PACRG: variants seen among roughly 807,000 people sequenced by gnomAD.
PACRG encodes parkin coregulated.
PACRG carries 29 observed loss-of-function variants against 29.7 expected under a neutral mutation model. The ratio of observed to expected loss-of-function variants is 0.98; its 90% CI spans 0.73 to 1.33. The LOEUF (loss-of-function observed/expected upper bound fraction) is 1.33. PACRG is among the 40% of genes most tolerant of loss of function. The probability of loss-of-function intolerance (pLI) is 0.00; values close to 1 mark genes in which losing one functional copy is unlikely to be tolerated. For synonymous variants in PACRG, 116 were observed against 118.7 expected, an observed-to-expected ratio of 0.98 and a Z score of 0.15; for missense variants, 279 against 316.2, an observed-to-expected ratio of 0.88 and a Z score of 0.89.
intron 2 of PACRG, among the ~76,000 whole-genome samples, chr6:162,948,381 A>C (rs538912453): frequency 2.6e-5 from 4 of 152,254 alleles, no homozygotes; most frequent in South Asian, 4.1e-4. Flanking sequence ...CACCATATAT[A>C]AAAACCAATC....
chr6:163,173,282 T>C (rs1174008129), intron 4 of PACRG, among the ~76,000 whole-genome samples: 1 of 152,210 alleles, frequency 6.6e-6, no homozygotes, highest in Non-Finnish European at 1.5e-5. Context: ...GTCTAGATTA[T>C]CTCTAAATTT....
intron 1 of PACRG, among the ~76,000 whole-genome samples, chr6:162,738,663 T>C (rs765906885): frequency 2.6e-5 from 4 of 152,190 alleles, no homozygotes; most frequent in Non-Finnish European, 5.9e-5. Context: ...CAATATTTCA[T>C]TTTTAAAGGT....
intron 4 of PACRG, among the ~76,000 whole-genome samples, chr6:163,178,751 C>T (rs1779508266): frequency 6.6e-6 from 1 of 152,178 alleles, no homozygotes. Flanking sequence ...GCTGCCATCA[C>T]ATCCAGCACC....
chr6:162,801,391 A>G (rs6937110), intron 1 of PACRG, among the ~76,000 whole-genome samples: 49,545 of 151,656 alleles, frequency 0.33, 9,032 homozygotes, highest in African/African-American at 0.47. Flanking sequence ...TTATAGGCGT[A>G]AGCCACCATG....
intron 1 of PACRG, among the ~76,000 whole-genome samples, chr6:162,806,207 C>G (rs11752447): frequency 1.3e-5 from 2 of 151,680 alleles, no homozygotes; most frequent in South Asian, 4.2e-4. Flanking sequence ...CTCCCGGGTT[C>G]AAGCGATTCT....
At chr6:162,932,346 T>G (rs1584789017) in intron 2 of PACRG, among the ~76,000 whole-genome samples, 1 of 152,202 alleles carries the variant, frequency 6.6e-6, no homozygotes, top group Non-Finnish European at 1.5e-5. Context: ...GGTGTACACA[T>G]CTGTCAAAAC....
At position 163,058,589 on chromosome 6, in the gene PACRG, C is replaced by T. The variant is rs1322072346; in HGVS notation, c.292-3561C>T. On this transcript the variant is annotated intron_variant, in intron 2 of 4. Coordinates refer to ENST00000366888, the MANE Select transcript of PACRG (RefSeq NM_001080379.2). ...GGTGATCTCTAATAAAAAAAAAAAT[C>T]TCTACTTAAAAAAATACGAAATTAA... Among the ~76,000 whole-genome samples, 8 of 151,838 alleles carry T rather than the reference C, an allele frequency of 5.3e-5. No homozygotes were observed. In the South Asian group the frequency reaches 1.5e-3, roughly 28 times the overall value.
intron 2 of PACRG, among the ~76,000 whole-genome samples, chr6:162,939,136 A>C (rs978487313): frequency 1.3e-5 from 2 of 152,222 alleles, no homozygotes; most frequent in Non-Finnish European, 2.9e-5. Flanking sequence ...ATCTTCAAAA[A>C]AGCAAACAAA....
At chr6:163,135,245 G>A (rs957842281) in intron 4 of PACRG, among the ~76,000 whole-genome samples, 2 of 150,976 alleles carry the variant, frequency 1.3e-5, no homozygotes, top group Non-Finnish European at 2.9e-5. Context: ...CTGGAGTACA[G>A]TGGCACAATC....
At chr6:162,766,314 G>C (rs1327692203) in intron 1 of PACRG, among the ~76,000 whole-genome samples, 2 of 151,972 alleles carry the variant, frequency 1.3e-5, no homozygotes, top group Non-Finnish European at 2.9e-5. Flanking sequence ...TATGGTATTT[G>C]TTTCTCTGTG....
chr6:163,216,046 A>T (rs1392638839), intron 4 of PACRG, among the ~76,000 whole-genome samples: 1 of 152,212 alleles, frequency 6.6e-6, no homozygotes, highest in African/African-American at 2.4e-5. Context: ...AGGATCCATG[A>T]GTCTTAAGTA....
intron 4 of PACRG, among the ~76,000 whole-genome samples, chr6:163,131,642 TAAGAAACTAACATGGC>T (rs149983260): frequency 0.25 from 37,431 of 152,014 alleles, 5,990 homozygotes; most frequent in Non-Finnish European, 0.35. Context: ...ACAACAGCTG[TAAGAAACTAACATGGC>T]AGCTGTTGAA....
intron 2 of PACRG, 78 bp from the exon 3 acceptor site, chr6:163,062,072 T>A (rs2128263688): frequency 6.7e-7 from 1 of 1,482,848 alleles, no homozygotes; most frequent in African/African-American, 1.4e-5. Flanking sequence ...CTGGAGTGGG[T>A]GACAGCTGCA....
intron 3 of PACRG, among the ~76,000 whole-genome samples, chr6:163,082,586 T>C (rs549883759): frequency 4.9e-4 from 75 of 152,314 alleles, no homozygotes; most frequent in Non-Finnish European, 8.1e-4. Flanking sequence ...GTGGAACATA[T>C]GTCTATGGAA....
At chr6:163,241,554 A>C (rs985687042) in intron 4 of PACRG, among the ~76,000 whole-genome samples, 2 of 152,262 alleles carry the variant, frequency 1.3e-5, no homozygotes, top group African/African-American at 4.8e-5. Context: ...GTTTTGGAAA[A>C]AGGACCTGGA....
chr6:163,099,591 A>G (rs891468921), intron 4 of PACRG, among the ~76,000 whole-genome samples: 2 of 152,212 alleles, frequency 1.3e-5, no homozygotes, highest in African/African-American at 4.8e-5. Flanking sequence ...GATAATTGAG[A>G]GTTCATTCTG....
chr6:162,967,673 A>AT (rs1393601535), intron 2 of PACRG, among the ~76,000 whole-genome samples: 1 of 151,728 alleles, frequency 6.6e-6, no homozygotes, highest in East Asian at 1.9e-4. Context: ...CGCCCGGCTA[A>AT]TTTTTTTGTA....
In PACRG at chr6:163,292,210, G is replaced by A. The variant is rs555589496; in HGVS notation, c.614-22617G>A. Among the ~76,000 whole-genome samples the A allele has an allele frequency of 3.3e-5, 5 of 152,254 alleles. No individual in the cohort carries two copies. The South Asian group carries it at 6.2e-4, about 19-fold the overall frequency. Reference sequence around the variant, plus strand: ...GAAAGGAAGACCGACCTCGACAGTCGAGGGGCTGGGGGATAGGATGGGCTT... The same window carrying A: ...GAAAGGAAGACCGACCTCGACAGTCAAGGGGCTGGGGGATAGGATGGGCTT... On this transcript the variant is annotated intron_variant, in intron 4 of 4. Coordinates refer to ENST00000366888, the MANE Select transcript of PACRG (RefSeq NM_001080379.2).
At chr6:163,166,270 A>G (rs1323788914) in intron 4 of PACRG, 1 of 422,552 alleles carries the variant, frequency 2.4e-6, no homozygotes, top group Non-Finnish European at 4.9e-6. Flanking sequence ...GCCCTGCTCA[A>G]CAACAACAAC....
Sources: gnomAD v4.1 joint callset for allele counts (sites outside exome capture counted in the v4.1 genomes callset) on GRCh38, gnomAD v4.1.1 for gene constraint, MANE v1.5 for transcripts, NCBI Gene and HGNC (gene_info 2026-07-23, HGNC 2026-07-21) for gene names.